The following STRN3 variants were observed in gnomAD, a reference collection of about 807,000 sequenced individuals.
STRN3 encodes the protein striatin-3.
Under a neutral mutation model 95.6 loss-of-function variants are expected in STRN3, and 29 were observed. The ratio of observed to expected loss-of-function variants is 0.30; its 90% CI spans 0.23 to 0.41. STRN3 has a LOEUF of 0.41. Among genes scored for constraint, STRN3 ranks in the 10% least tolerant of loss-of-function variants. STRN3 has a pLI of 1.00. For missense variants in STRN3, 890 were observed against 972.1 expected (o/e 0.92, Z 1.12); for synonymous variants, 331 against 357.6 (o/e 0.93, Z 0.84).
Position 30,936,543 on chromosome 14 carries a change from GATC to G in STRN3, c.795_797del (p.Met265del). On this transcript the variant is annotated inframe_deletion, in exon 6 of 18. Transcript: ENST00000357479. Reference sequence around the variant, plus strand: ...TGTCTTTTCCTTCTGGGATGCCTTCGATCATGTCATTTTCCTCATCTTCATCAC... The same window carrying G: ...TGTCTTTTCCTTCTGGGATGCCTTCGATGTCATTTTCCTCATCTTCATCAC... 6.2e-7 allele frequency: 1 copy of G among 1,613,410 alleles called. No homozygotes were observed. The highest frequency in any genetic ancestry group is 8.5e-7 in the Non-Finnish European group (1 of 1,179,768).
At chr14:31,007,137 A>G (rs1423104904) in intron 1 of STRN3, among the ~76,000 whole-genome samples, 2 of 152,262 alleles carry the variant, frequency 1.3e-5, no homozygotes, top group Non-Finnish European at 2.9e-5. Context: ...ATAACATTTC[A>G]GTAAAATGAA....
At chr14:30,991,839 C>T (rs1189962024) in intron 1 of STRN3, among the ~76,000 whole-genome samples, 2 of 151,536 alleles carry the variant, frequency 1.3e-5, no homozygotes, top group African/African-American at 4.9e-5. Context: ...AGTGGTTCAC[C>T]TGTAATCCCA....
At chr14:30,910,981 G>GT in intron 13 of STRN3, 60 bp downstream of exon 13, 1 of 1,555,888 alleles carries the variant, frequency 6.4e-7, no homozygotes. Flanking sequence ...CATATTTGAG[G>GT]TATTTACTTT....
intron 1 of STRN3, chr14:30,964,210 G>C (rs1052629565): frequency 6.6e-6 from 1 of 152,262 alleles, no homozygotes; most frequent in Non-Finnish European, 1.5e-5. Flanking sequence ...TGGCAATAGA[G>C]TGAGTCTCCG....
intron 9 of STRN3, among the ~76,000 whole-genome samples, chr14:30,918,416 G>A (rs543529324): frequency 3.9e-5 from 6 of 151,930 alleles, no homozygotes; most frequent in Non-Finnish European, 8.8e-5. Context: ...GGCTGAGGCA[G>A]GAGACTCGCT....
chr14:31,004,420 C>A (rs996874914), intron 1 of STRN3, among the ~76,000 whole-genome samples: 2 of 151,898 alleles, frequency 1.3e-5, no homozygotes, highest in Admixed American at 6.6e-5. Context: ...CAGAGCAAGA[C>A]CCTGTCTGAA....
At chr14:30,964,872 T>C (rs1477902033) in intron 1 of STRN3, among the ~76,000 whole-genome samples, 7 of 150,202 alleles carry the variant, frequency 4.7e-5, no homozygotes, top group East Asian at 3.9e-4. Context: ...TGAGCCGAGA[T>C]AGCACCACTG....
chr14:31,002,592 G>C (rs1396084002), intron 1 of STRN3, among the ~76,000 whole-genome samples: 1 of 149,848 alleles, frequency 6.7e-6, no homozygotes, highest in Non-Finnish European at 1.5e-5. Context: ...AGTGAGCCAA[G>C]ATCACGCCAC....
chr14:30,955,730 T>G, intron 2 of STRN3, 37 bp from the exon 3 acceptor site: 1 of 1,514,198 alleles, frequency 6.6e-7, no homozygotes, highest in East Asian at 2.3e-5. Context: ...AATCACAACT[T>G]CTTCTTTTTG....
intron 6 of STRN3, 74 bp downstream of exon 6, chr14:30,936,416 GTAACT>G: frequency 6.8e-7 from 1 of 1,472,150 alleles, no homozygotes; most frequent in South Asian, 1.3e-5. Flanking sequence ...CACTCCCAAT[GTAACT>G]TAAGATATCT....
chr14:31,021,567 T>C (rs1883507318), intron 1 of STRN3, among the ~76,000 whole-genome samples: 1 of 152,064 alleles, frequency 6.6e-6, no homozygotes, highest in African/African-American at 2.4e-5. Context: ...ATTCTGAATA[T>C]ACAGTGAGAA....
At chr14:30,992,280 G>A (rs1045750923) in intron 1 of STRN3, among the ~76,000 whole-genome samples, 3 of 151,624 alleles carry the variant, frequency 2.0e-5, no homozygotes, top group Non-Finnish European at 2.9e-5. Flanking sequence ...GCATGGTGGC[G>A]GGCGCCTATA....
chr14:30,929,832 A>G (rs1878392514), intron 7 of STRN3, among the ~76,000 whole-genome samples: 1 of 151,856 alleles, frequency 6.6e-6, no homozygotes, highest in South Asian at 2.1e-4. Context: ...TAATACATAT[A>G]GTTCAAAAAT....
At chr14:30,907,821 T>C (rs955695728) in intron 13 of STRN3, among the ~76,000 whole-genome samples, 2 of 152,164 alleles carry the variant, frequency 1.3e-5, no homozygotes, top group Admixed American at 1.3e-4. Flanking sequence ...TGACAGACAT[T>C]TGACAGCTGA....
chr14:30,903,267 CAT>C (rs1281191893), intron 15 of STRN3, among the ~76,000 whole-genome samples: 2 of 150,940 alleles, frequency 1.3e-5, no homozygotes, highest in African/African-American at 2.4e-5. Context: ...ATAAAAAATA[CAT>C]ATATATATAT....
rs765466530 is a variant in STRN3 at position 30,911,988 on chromosome 14, C to T, written c.1550+19G>A. 3 of 1,602,524 alleles carry T rather than the reference C, an allele frequency of 1.9e-6. No individual in the cohort carries two copies. Among genetic ancestry groups the T allele is most frequent in the Non-Finnish European group, 2.5e-6 (3 of 1,176,498 alleles). On this transcript the variant is annotated intron_variant, in intron 11 of 17. Coordinates refer to ENST00000357479, the MANE Select transcript of STRN3 (RefSeq NM_001083893.2). ...GCAAAATTGGAAGAAATACACCAGG[C>T]TAACACTAAAATACTTGCTTTTTGG...
intron 16 of STRN3, among the ~76,000 whole-genome samples, chr14:30,902,101 G>A (rs1896333229): frequency 7.4e-6 from 1 of 134,516 alleles, no homozygotes; most frequent in South Asian, 2.3e-4. Context: ...AACTCAAGAG[G>A]CCGAGATTGC....
intron 10 of STRN3, 111 bp downstream of exon 10, chr14:30,913,413 A>C: frequency 8.4e-7 from 1 of 1,193,102 alleles, no homozygotes; most frequent in Non-Finnish European, 1.1e-6. Context: ...ACATTGACAC[A>C]AACTTATCTT....
At chr14:30,932,856 T>A (rs1878610926) in intron 7 of STRN3, among the ~76,000 whole-genome samples, 1 of 152,222 alleles carries the variant, frequency 6.6e-6, no homozygotes, top group Non-Finnish European at 1.5e-5. Flanking sequence ...AAGATTTAGC[T>A]AAAAAGATAT....
Sources: gnomAD v4.1 joint callset for allele counts (sites outside exome capture counted in the v4.1 genomes callset) on GRCh38, gnomAD v4.1.1 for gene constraint, MANE v1.5 for transcripts, NCBI Gene and HGNC (gene_info 2026-07-23, HGNC 2026-07-21) for gene names.